C1GALT1: variants seen among roughly 807,000 people sequenced by gnomAD.
The protein encoded by C1GALT1 is core 1 synthase, glycoprotein-N-acetylgalactosamine 3-beta-galactosyltransferase 1, also known as glycoprotein-N-acetylgalactosamine 3-beta-galactosyltransferase 1.
C1GALT1 carries 11 observed loss-of-function variants against 31.0 expected under a neutral mutation model. That is an observed-to-expected ratio of 0.36 (90% CI 0.22 to 0.59). The LOEUF (loss-of-function observed/expected upper bound fraction) is 0.59, where lower values mean the gene tolerates loss of function less well. C1GALT1 is among the 20% of genes least tolerant of loss of function. The probability of loss-of-function intolerance (pLI) is 0.79; values close to 1 mark genes in which losing one functional copy is unlikely to be tolerated. For synonymous variants in C1GALT1, 175 were observed against 143.6 expected, an observed-to-expected ratio of 1.22 and a Z score of -1.56; for missense variants, 424 against 425.2, an observed-to-expected ratio of 1.00 and a Z score of 0.03.
intron 1 of C1GALT1, among the ~76,000 whole-genome samples, chr7:7,200,099 A>G (rs916638957): frequency 6.6e-6 from 1 of 152,056 alleles, no homozygotes; most frequent in Non-Finnish European, 1.5e-5. Flanking sequence ...TTAGCTGGTT[A>G]TTTTGCTCGT....
chr7:7,229,556 T>C (rs541747538), intron 1 of C1GALT1, among the ~76,000 whole-genome samples: 37 of 152,234 alleles, frequency 2.4e-4, no homozygotes, highest in Non-Finnish European at 4.4e-4. Flanking sequence ...ATCGAACAGA[T>C]ACTTGACTAA....
At position 7,206,365 on chromosome 7, in the gene C1GALT1, A is replaced by G. The variant is rs558555324; in HGVS notation, c.-18+23545A>G. On this transcript the variant is annotated intron_variant, in intron 1 of 3. Transcript: ENST00000436587. Reference sequence around the variant, plus strand: ...TTCGACTGGGAGAATTTTGCTCTACAGAGCAGGTCTTTTGGTAATAAACTC... The same window carrying G: ...TTCGACTGGGAGAATTTTGCTCTACGGAGCAGGTCTTTTGGTAATAAACTC... Among the ~76,000 whole-genome samples the G allele has an allele frequency of 1.9e-4, 29 of 152,226 alleles. No homozygotes were observed. The East Asian group carries it at 4.2e-3, about 22-fold the overall frequency.
chr7:7,211,930 G>T (rs1782024846), intron 1 of C1GALT1, among the ~76,000 whole-genome samples: 1 of 152,176 alleles, frequency 6.6e-6, no homozygotes. Context: ...AATGACAAAT[G>T]TATGATAAGC....
At position 7,243,743 on chromosome 7, in the gene C1GALT1, G is replaced by A. The variant is rs1783733835; in HGVS notation, c.*16G>A. 3 of 1,562,356 alleles carry A rather than the reference G, an allele frequency of 1.9e-6. No individual in the cohort carries two copies. Among genetic ancestry groups the A allele is most frequent in the South Asian group, 1.2e-5 (1 of 86,456 alleles). On this transcript the variant is annotated 3_prime_UTR_variant, in exon 4 of 4. Transcript: ENST00000436587. ...AAATCCTTGAAAGAAAATCATGAAT[G>A]AACAAAGGTAATATGTCTAGCACTG... is the stretch of plus-strand genomic sequence containing the variant.
At chr7:7,224,200 TA>T in intron 1 of C1GALT1, among the ~76,000 whole-genome samples, 1 of 152,232 alleles carries the variant, frequency 6.6e-6, no homozygotes, top group African/African-American at 2.4e-5. Flanking sequence ...CTTAACATGC[TA>T]ATTCATACTT....
chr7:7,245,234 T>C lies in C1GALT1; in HGVS notation c.*1507T>C, dbSNP rs1783794403. The stretch of plus-strand genomic sequence containing the variant: ...GCTATTTAGCTAAGTAATTTCTTTT[T>C]TCGGAGACTGTCTCACTCTGTCTCC... On this transcript the variant is annotated 3_prime_UTR_variant, in exon 4 of 4. Coordinates refer to ENST00000436587, the MANE Select transcript of C1GALT1 (RefSeq NM_020156.5). The C allele has an allele frequency of 6.6e-6, 1 of 152,276 alleles. No homozygotes were observed. The highest frequency in any genetic ancestry group is 1.5e-5 in the Non-Finnish European group (1 of 68,048). The allele number at this position is 152,276 out of a possible 1,614,324, so 9.4% of individuals were successfully genotyped here.
chr7:7,207,335 C>CTTTTTTTTT (rs57510429), intron 1 of C1GALT1, among the ~76,000 whole-genome samples: 598 of 48,008 alleles, frequency 0.012, 226 homozygotes, highest in Non-Finnish European at 0.016. Flanking sequence ...TACTCTGTTG[C>CTTTTTTTTT]TTTTTTTTTT....
intron 2 of C1GALT1, chr7:7,235,176 TCTTA>T (rs1275697918): frequency 6.6e-6 from 1 of 152,240 alleles, no homozygotes; most frequent in African/African-American, 2.4e-5. Flanking sequence ...TCCTTCTATT[TCTTA>T]CTGTCTTTAG....
At chr7:7,158,141 G>A (rs1328602857) in intron 2 of C1GALT1, among the ~76,000 whole-genome samples, 1 of 152,108 alleles carries the variant, frequency 6.6e-6, no homozygotes, top group Non-Finnish European at 1.5e-5. Context: ...ATATCCCTCT[G>A]AAGTTTTGTA....
intron 2 of C1GALT1, among the ~76,000 whole-genome samples, chr7:7,173,160 C>T (rs902236147): frequency 6.6e-6 from 1 of 152,074 alleles, no homozygotes; most frequent in Non-Finnish European, 1.5e-5. Flanking sequence ...GAAGCAGATC[C>T]TTCATGAATG....
intron 3 of C1GALT1, among the ~76,000 whole-genome samples, chr7:7,242,358 G>A (rs532985234): frequency 6.6e-6 from 1 of 151,930 alleles, no homozygotes; most frequent in Non-Finnish European, 1.5e-5. Context: ...AGGTGCAAGA[G>A]TAGGTTGTCT....
At chr7:7,174,801 C>CTACT (rs1369643160) in intron 2 of C1GALT1, among the ~76,000 whole-genome samples, 1 of 151,966 alleles carries the variant, frequency 6.6e-6, no homozygotes, top group Non-Finnish European at 1.5e-5. Context: ...CTTTTCATAA[C>CTACT]TACTATCTCT....
At chr7:7,193,759 C>T (rs1477106259) in intron 1 of C1GALT1, among the ~76,000 whole-genome samples, 1 of 152,016 alleles carries the variant, frequency 6.6e-6, no homozygotes, top group East Asian at 1.9e-4. Context: ...CCGTAGATTG[C>T]TTTTGGCAGT....
At chr7:7,162,186 A>G (rs1266691945) in intron 2 of C1GALT1, among the ~76,000 whole-genome samples, 1 of 149,870 alleles carries the variant, frequency 6.7e-6, no homozygotes, top group Non-Finnish European at 1.5e-5. Flanking sequence ...ACATATGTAT[A>G]CATGTGCCAT....
intron 1 of C1GALT1, among the ~76,000 whole-genome samples, chr7:7,186,922 A>C (rs4724958): frequency 2.6e-5 from 4 of 151,988 alleles, no homozygotes; most frequent in African/African-American, 9.7e-5. Flanking sequence ...TTGGCTCTCT[A>C]AGATTAGGAA....
chr7:7,209,656 T>C (rs1361466742), intron 1 of C1GALT1: 1 of 152,236 alleles, frequency 6.6e-6, no homozygotes, highest in Non-Finnish European at 1.5e-5. Context: ...AGAAAGAATA[T>C]TGGATGTTCC....
chr7:7,232,608 G>T (rs1240437895), intron 1 of C1GALT1, among the ~76,000 whole-genome samples: 1 of 151,464 alleles, frequency 6.6e-6, no homozygotes, highest in African/African-American at 2.4e-5. Context: ...TTTTGCCTCA[G>T]TCTCCCAGGT....
chr7:7,162,999 C>T (rs967264961), intron 2 of C1GALT1, among the ~76,000 whole-genome samples: 5 of 152,050 alleles, frequency 3.3e-5, no homozygotes, highest in African/African-American at 7.2e-5. Flanking sequence ...GAGTTCATTG[C>T]AGATTCTGGA....
chr7:7,189,263 A>G (rs932136732), intron 1 of C1GALT1, among the ~76,000 whole-genome samples: 1 of 152,122 alleles, frequency 6.6e-6, no homozygotes. Flanking sequence ...GCTGACTTCT[A>G]TGATTATATC....
Sources: gnomAD v4.1 joint callset for allele counts (sites outside exome capture counted in the v4.1 genomes callset) on GRCh38, gnomAD v4.1.1 for gene constraint, MANE v1.5 for transcripts, NCBI Gene and HGNC (gene_info 2026-07-23, HGNC 2026-07-21) for gene names.